PDZRN3: variants seen among roughly 807,000 people sequenced by gnomAD.
PDZRN3 encodes the protein E3 ubiquitin-protein ligase PDZRN3.
In PDZRN3, 38 loss-of-function variants were observed where a neutral mutation model predicts 85.7. The ratio of observed to expected loss-of-function variants is 0.44; its 90% CI spans 0.34 to 0.58. The LOEUF is 0.58. Among genes scored for constraint, PDZRN3 ranks in the 20% least tolerant of loss-of-function variants. The pLI, the probability that PDZRN3 is intolerant of heterozygous loss-of-function variation, is 0.01. For synonymous variants in PDZRN3, 759 were observed against 638.0 expected (o/e 1.19, Z -2.86); for missense variants, 1,629 against 1,506.4 (o/e 1.08, Z -1.35).
intron 3 of PDZRN3, among the ~76,000 whole-genome samples, chr3:73,462,230 T>C (rs1362057325): frequency 1.3e-5 from 2 of 152,128 alleles, no homozygotes; most frequent in Non-Finnish European, 2.9e-5. Context: ...AATGGTAATT[T>C]TCTCTAGAGG....
At chr3:73,544,539 C>T (rs979306217) in intron 3 of PDZRN3, among the ~76,000 whole-genome samples, 6 of 152,106 alleles carry the variant, frequency 3.9e-5, no homozygotes, top group African/African-American at 1.4e-4. Flanking sequence ...AGCTAATTAA[C>T]ATATCCGTCA....
chr3:73,461,893 A>T (rs976033150), intron 3 of PDZRN3, among the ~76,000 whole-genome samples: 4 of 152,200 alleles, frequency 2.6e-5, no homozygotes, highest in Non-Finnish European at 5.9e-5. Flanking sequence ...CCTGGTTGTC[A>T]TCTCCCAGAT....
intron 3 of PDZRN3, among the ~76,000 whole-genome samples, chr3:73,496,715 T>G (rs754172145): frequency 2.0e-5 from 3 of 152,040 alleles, no homozygotes; most frequent in Non-Finnish European, 4.4e-5. Flanking sequence ...GTAAAAAAAT[T>G]AAAAAGATAC....
chr3:73,466,660 C>A (rs1054999000), intron 3 of PDZRN3, among the ~76,000 whole-genome samples: 3 of 152,150 alleles, frequency 2.0e-5, no homozygotes, highest in Non-Finnish European at 4.4e-5. Flanking sequence ...CACCCTCTCC[C>A]TTAACACGCA....
At chr3:73,610,712 G>A (rs952131780) in intron 1 of PDZRN3, among the ~76,000 whole-genome samples, 1 of 152,142 alleles carries the variant, frequency 6.6e-6, no homozygotes, top group East Asian at 1.9e-4. Flanking sequence ...CAAGGCAGAT[G>A]GCTTTAGTTT....
At chr3:73,412,070 T>C (rs1701984507) in intron 3 of PDZRN3, among the ~76,000 whole-genome samples, 1 of 152,344 alleles carries the variant, frequency 6.6e-6, no homozygotes, top group African/African-American at 2.4e-5. Context: ...AGAGGCATGC[T>C]TTAAGTTCAC....
rs1324185229 is a variant in PDZRN3, at chr3:73,526,669, AGTT to A, written c.918+75682_918+75684del. On this transcript the variant is annotated intron_variant, in intron 3 of 9. Transcript: ENST00000263666. ...AGTCCTGTCCCATAAACTTTGTCTT[AGTT>A]GTTGTTGTTGTTGCTGTTGTTGTTA... 3.9e-5 allele frequency among the ~76,000 whole-genome samples: 6 copies of A among 152,180 alleles called. No homozygotes were observed. The South Asian group carries it at 8.3e-4, about 21-fold the overall frequency.
At chr3:73,522,489 C>T (rs1050021046) in intron 3 of PDZRN3, among the ~76,000 whole-genome samples, 1 of 152,196 alleles carries the variant, frequency 6.6e-6, no homozygotes, top group Non-Finnish European at 1.5e-5. Context: ...AAGTTACTTA[C>T]ATTCTAGGCC....
At chr3:73,610,481 A>T (rs1010592280) in intron 1 of PDZRN3, among the ~76,000 whole-genome samples, 1 of 152,218 alleles carries the variant, frequency 6.6e-6, no homozygotes, top group Non-Finnish European at 1.5e-5. Flanking sequence ...TCCAGAATCA[A>T]CCTAATAGTT....
chr3:73,543,851 T>C (rs927920140), intron 3 of PDZRN3, among the ~76,000 whole-genome samples: 14 of 152,214 alleles, frequency 9.2e-5, no homozygotes, highest in African/African-American at 3.4e-4. Flanking sequence ...TGAGATTCAG[T>C]AGTTTTAGCT....
chr3:73,399,399 G>A (rs1701705046), intron 5 of PDZRN3, among the ~76,000 whole-genome samples: 1 of 152,176 alleles, frequency 6.6e-6, no homozygotes, highest in Non-Finnish European at 1.5e-5. Context: ...AGAGGTGGGG[G>A]AAATTCTGCC....
rs566211882 is a variant in PDZRN3, at chr3:73,383,342, T to C, written c.*23A>G. 7.9e-5 allele frequency: 124 copies of C among 1,574,098 alleles called. No homozygotes were observed. The South Asian group carries it at 1.3e-3, about 17-fold the overall frequency. ...ACCCCAGTGGTAGTGGTCTCCTTTA[T>C]GTACATAATGCAGAAGTGAAAATTA... On this transcript the variant is annotated 3_prime_UTR_variant, in exon 10 of 10. Coordinates refer to ENST00000263666, the MANE Select transcript of PDZRN3 (RefSeq NM_015009.3).
chr3:73,385,507 T>A (rs777208432), intron 9 of PDZRN3, among the ~76,000 whole-genome samples, 162 bp downstream of exon 9: 1 of 152,242 alleles, frequency 6.6e-6, no homozygotes, highest in Non-Finnish European at 1.5e-5. Context: ...TGCATTTCAC[T>A]GGTCTGGTGC....
At chr3:73,415,180 A>G (rs9838697) in intron 3 of PDZRN3, among the ~76,000 whole-genome samples, 3,169 of 152,300 alleles carry the variant, frequency 0.021, 108 homozygotes, top group African/African-American at 0.071. Flanking sequence ...TGAGAGAAGG[A>G]AAGAAAACCT....
chr3:73,610,237 C>A (rs1019247830), intron 1 of PDZRN3, among the ~76,000 whole-genome samples: 1 of 152,132 alleles, frequency 6.6e-6, no homozygotes, highest in African/African-American at 2.4e-5. Context: ...TTAAGAGTCA[C>A]TTACTCAATA....
intron 1 of PDZRN3, among the ~76,000 whole-genome samples, chr3:73,616,338 C>T (rs865883789): frequency 1.3e-5 from 2 of 151,808 alleles, no homozygotes; most frequent in East Asian, 3.9e-4. Context: ...AGCAAGGCTA[C>T]TCATCTAAAA....
intron 3 of PDZRN3, among the ~76,000 whole-genome samples, chr3:73,561,091 C>T (rs1701805991): frequency 6.6e-6 from 1 of 152,234 alleles, no homozygotes; most frequent in African/African-American, 2.4e-5. Context: ...ACTTTACACA[C>T]ATGACTTTCT....
rs1358319776 is a variant in PDZRN3 at position 73,464,228 on chromosome 3, G to A, written c.919-59833C>T. ...TTTTGAACTCCTGACCTCATGATCCGCCCACCTCGGCCTCCCAAAGTGCTG... is the reference window on the plus strand; with the variant it reads ...TTTTGAACTCCTGACCTCATGATCCACCCACCTCGGCCTCCCAAAGTGCTG... On this transcript the variant is annotated intron_variant, in intron 3 of 9. Coordinates refer to ENST00000263666, the MANE Select transcript of PDZRN3 (RefSeq NM_015009.3). Among the ~76,000 whole-genome samples, 6 of 152,094 alleles carry A rather than the reference G, an allele frequency of 3.9e-5. No individual in the cohort carries two copies. In the East Asian group the frequency reaches 5.8e-4, roughly 15 times the overall value.
intron 3 of PDZRN3, among the ~76,000 whole-genome samples, chr3:73,592,290 CCA>C (rs1702368692): frequency 1.3e-5 from 2 of 152,114 alleles, no homozygotes; most frequent in Non-Finnish European, 2.9e-5. Flanking sequence ...TTGCTCCACC[CCA>C]GAGTGTCTCC....
Sources: gnomAD v4.1 joint callset for allele counts (sites outside exome capture counted in the v4.1 genomes callset) on GRCh38, gnomAD v4.1.1 for gene constraint, MANE v1.5 for transcripts, NCBI Gene and HGNC (gene_info 2026-07-23, HGNC 2026-07-21) for gene names.